The following RARB variants were observed in gnomAD, a reference collection of about 807,000 sequenced individuals.
RARB encodes HBV-activated protein.
RARB carries 17 observed loss-of-function variants against 51.9 expected under a neutral mutation model. That is an observed-to-expected ratio of 0.33 (90% CI 0.22 to 0.49). The LOEUF (loss-of-function observed/expected upper bound fraction) is 0.49. Among genes scored for constraint, RARB ranks in the 20% least tolerant of loss-of-function variants. The pLI is 0.99. For missense variants in RARB, 369 were observed against 550.8 expected (o/e 0.67, Z 3.30); for synonymous variants, 215 against 195.4 (o/e 1.10, Z -0.84).
At chr3:25,056,098 A>G (rs936616601) in intron 2 of RARB, among the ~76,000 whole-genome samples, 3 of 152,248 alleles carry the variant, frequency 2.0e-5, no homozygotes, top group African/African-American at 7.2e-5. Context: ...TCAAAGCCCA[A>G]TGTGCAGGGA....
chr3:25,196,994 A>C (rs1468405091), intron 5 of RARB, among the ~76,000 whole-genome samples: 2 of 152,034 alleles, frequency 1.3e-5, no homozygotes, highest in African/African-American at 4.8e-5. Context: ...TAGATTGCAA[A>C]AATTTTCTCC....
At chr3:25,216,587 G>T (rs1346342263) in intron 5 of RARB, among the ~76,000 whole-genome samples, 11 of 151,868 alleles carry the variant, frequency 7.2e-5, no homozygotes, top group Non-Finnish European at 1.0e-4. Flanking sequence ...CTATTGGGGG[G>T]TGGGGGGTTG....
chr3:25,554,572 C>T (rs1699979284), intron 3 of RARB, among the ~76,000 whole-genome samples: 1 of 152,102 alleles, frequency 6.6e-6, no homozygotes, highest in African/African-American at 2.4e-5. Context: ...GAAAAATTTG[C>T]CACTCCTGGG....
At chr3:25,236,053 T>A (rs1702294651) in intron 5 of RARB, among the ~76,000 whole-genome samples, 3 of 152,170 alleles carry the variant, frequency 2.0e-5, no homozygotes, top group African/African-American at 7.2e-5. Flanking sequence ...ATCTTTTAAC[T>A]CTATCTTCTT....
chr3:25,452,406 A>G (rs1266458044), intron 1 of RARB, among the ~76,000 whole-genome samples: 1 of 117,572 alleles, frequency 8.5e-6, no homozygotes, highest in Non-Finnish European at 1.7e-5. Flanking sequence ...GTAAGCCCAG[A>G]CAGGTGTAGC....
upstream of RARB, among the ~76,000 whole-genome samples, chr3:25,424,105 G>C (rs1018183764): frequency 1.3e-5 from 2 of 152,172 alleles, no homozygotes; most frequent in Non-Finnish European, 2.9e-5. Flanking sequence ...AAAAAGCAGA[G>C]AGCTGAAGAG....
chr3:24,996,661 A>G (rs6550931), intron 2 of RARB, among the ~76,000 whole-genome samples: 115,662 of 151,894 alleles, frequency 0.76, 44,180 homozygotes, highest in South Asian at 0.84. Flanking sequence ...TTCTATTTTC[A>G]TTTGTTTCAA....
chr3:25,530,136 T>C lies in RARB; in HGVS notation c.448+28813T>C, dbSNP rs571490224. On this transcript the variant is annotated intron_variant, in intron 3 of 7. Transcript: ENST00000330688. ...CCCACTAGACTGAAGGCTGCCTGAGTGTTATCTACCCCTTATATCCCCTGG... is the reference window on the plus strand; with the variant it reads ...CCCACTAGACTGAAGGCTGCCTGAGCGTTATCTACCCCTTATATCCCCTGG... Among the ~76,000 whole-genome samples, 205 of 152,244 alleles carry C rather than the reference T, an allele frequency of 1.3e-3. 1 individual carries two copies. The highest frequency in any genetic ancestry group is 4.6e-3 in the African/African-American group (191 of 41,524).
chr3:25,018,722 C>G (rs1055618358), intron 2 of RARB, among the ~76,000 whole-genome samples: 3 of 152,156 alleles, frequency 2.0e-5, no homozygotes, highest in African/African-American at 7.2e-5. Flanking sequence ...ATCTGTGACT[C>G]AGTCACCTGG....
chr3:24,860,801 G>C (rs2125341720), intron 2 of RARB, among the ~76,000 whole-genome samples: 1 of 152,252 alleles, frequency 6.6e-6, no homozygotes. Context: ...GGTACAGAGA[G>C]GTGAAGTAAC....
intron 3 of RARB, among the ~76,000 whole-genome samples, chr3:25,537,234 GACA>G (rs1403217714): frequency 6.6e-6 from 1 of 152,218 alleles, no homozygotes; most frequent in Non-Finnish European, 1.5e-5. Flanking sequence ...GAAAGCGGCT[GACA>G]ACAAGAAGCA....
At chr3:25,572,812 C>T (rs1575530932) in intron 4 of RARB, among the ~76,000 whole-genome samples, 3 of 152,130 alleles carry the variant, frequency 2.0e-5, no homozygotes, top group South Asian at 2.1e-4. Flanking sequence ...GGTCCCCCTC[C>T]GCCTCCTCCA....
chr3:24,920,207 A>G (rs2125386346), intron 2 of RARB, among the ~76,000 whole-genome samples: 1 of 152,358 alleles, frequency 6.6e-6, no homozygotes, highest in Middle Eastern at 3.4e-3. Flanking sequence ...TTGCATACAA[A>G]TAATGTGTTG....
chr3:25,429,337 C>T (rs1362829358), intron 1 of RARB, among the ~76,000 whole-genome samples: 1 of 152,156 alleles, frequency 6.6e-6, no homozygotes, highest in East Asian at 1.9e-4. Flanking sequence ...TGTATTCCAA[C>T]AGTCCAAAGT....
intron 1 of RARB, among the ~76,000 whole-genome samples, chr3:25,449,877 G>A (rs1052400997): frequency 1.3e-5 from 2 of 151,590 alleles, no homozygotes; most frequent in Non-Finnish European, 2.9e-5. Context: ...CCAGCCTCCC[G>A]AGTAACTGAG....
intron 3 of RARB, among the ~76,000 whole-genome samples, chr3:25,569,527 A>G (rs139330482): frequency 1.5e-3 from 234 of 152,336 alleles, no homozygotes; most frequent in African/African-American, 5.3e-3. Flanking sequence ...CAAGCTCTCC[A>G]AACAACTGAC....
At chr3:24,972,789 T>C (rs1696429348) in intron 2 of RARB, among the ~76,000 whole-genome samples, 1 of 152,094 alleles carries the variant, frequency 6.6e-6, no homozygotes, top group South Asian at 2.1e-4. Flanking sequence ...TTGTAAGTCT[T>C]CTTTTGACAG....
At chr3:25,259,589 C>A (rs1702948601) in intron 5 of RARB, among the ~76,000 whole-genome samples, 1 of 152,146 alleles carries the variant, frequency 6.6e-6, no homozygotes, top group Admixed American at 6.6e-5. Flanking sequence ...ACTGACTGGA[C>A]TTCACATGAG....
At chr3:24,945,193 C>T (rs554814068) in intron 2 of RARB, among the ~76,000 whole-genome samples, 2 of 152,132 alleles carry the variant, frequency 1.3e-5, no homozygotes, top group East Asian at 1.9e-4. Context: ...GGCCATAGTG[C>T]GCTTTAGACA....
Sources: gnomAD v4.1 joint callset for allele counts (sites outside exome capture counted in the v4.1 genomes callset) on GRCh38, gnomAD v4.1.1 for gene constraint, MANE v1.5 for transcripts, NCBI Gene and HGNC (gene_info 2026-07-23, HGNC 2026-07-21) for gene names.